Variants in TIMD4 observed in about 807,000 individuals in gnomAD.
The protein encoded by TIMD4 is T-cell immunoglobulin and mucin domain-containing protein 4.
TIMD4 carries 31 observed loss-of-function variants against 41.2 expected under a neutral mutation model. The ratio of observed to expected loss-of-function variants is 0.75; its 90% CI spans 0.57 to 1.01. The LOEUF is 1.01. Among genes scored for constraint, TIMD4 ranks in the 50% least tolerant of loss-of-function variants. TIMD4 has a pLI of 0.00. For missense variants in TIMD4, 479 were observed against 472.5 expected, an observed-to-expected ratio of 1.01 and a Z score of -0.13; for synonymous variants, 204 against 177.1, an observed-to-expected ratio of 1.15 and a Z score of -1.21.
intron 3 of TIMD4, 87 bp downstream of exon 3, chr5:156,951,425 C>A (rs750043494): frequency 2.6e-6 from 4 of 1,525,372 alleles, no homozygotes; most frequent in Non-Finnish European, 3.6e-6. Flanking sequence ...CACACACTCA[C>A]ACACACACTG....
intron 1 of TIMD4, among the ~76,000 whole-genome samples, chr5:156,958,264 A>G (rs1332416844): frequency 6.6e-6 from 1 of 150,568 alleles, no homozygotes; most frequent in East Asian, 1.9e-4. Flanking sequence ...GTGAGGGAGG[A>G]CAGGGCAAGA....
intron 1 of TIMD4, among the ~76,000 whole-genome samples, chr5:156,956,242 C>T (rs980587862): frequency 6.6e-6 from 1 of 151,960 alleles, no homozygotes; most frequent in Non-Finnish European, 1.5e-5. Context: ...TCTTTCTATG[C>T]CTCGCTTATT....
Position 156,939,787 on chromosome 5 carries a change from T to C in TIMD4, c.844+8629A>G, listed in dbSNP as rs142091001. On this transcript the variant is annotated intron_variant, in intron 5 of 8. Coordinates refer to ENST00000274532, the MANE Select transcript of TIMD4 (RefSeq NM_138379.3). ...TGGCTGTTACTCCGTCCCCTCTCTATTGTTGTTGCTGCTATCATTCTAATC... is the reference window on the plus strand; with the variant it reads ...TGGCTGTTACTCCGTCCCCTCTCTACTGTTGTTGCTGCTATCATTCTAATC... Among the ~76,000 whole-genome samples, 90 of 152,340 alleles carry C rather than the reference T, an allele frequency of 5.9e-4. No individual in the cohort carries two copies. The South Asian group carries it at 0.01, about 17-fold the overall frequency.
intron 1 of TIMD4, among the ~76,000 whole-genome samples, chr5:156,959,819 C>G (rs1362478078): frequency 6.6e-6 from 1 of 152,118 alleles, no homozygotes; most frequent in Non-Finnish European, 1.5e-5. Context: ...ACAGGTGGAT[C>G]ACCTGAGGTC....
Position 156,949,010 on chromosome 5 carries a change from A to G in TIMD4, c.761-511T>C, listed in dbSNP as rs961401584. The stretch of plus-strand genomic sequence containing the variant: ...ATGCATGAAGTTATACAACTCTACA[A>G]CAAACCTAGGAATATAAACTGAGGG... On this transcript the variant is annotated intron_variant, in intron 4 of 8. Coordinates refer to ENST00000274532, the MANE Select transcript of TIMD4 (RefSeq NM_138379.3). Among the ~76,000 whole-genome samples the G allele has an allele frequency of 5.9e-5, 9 of 152,204 alleles. No homozygotes were observed. In the East Asian group the frequency reaches 1.2e-3, roughly 20 times the overall value.
At chr5:156,956,751 A>T (rs1032680065) in intron 1 of TIMD4, among the ~76,000 whole-genome samples, 1 of 152,262 alleles carries the variant, frequency 6.6e-6, no homozygotes, top group Non-Finnish European at 1.5e-5. Flanking sequence ...GGCAGGCTGT[A>T]GATCTCAGAT....
At chr5:156,961,900 A>G (rs1753071023) in intron 1 of TIMD4, among the ~76,000 whole-genome samples, 1 of 151,852 alleles carries the variant, frequency 6.6e-6, no homozygotes, top group Non-Finnish European at 1.5e-5. Flanking sequence ...ATAAAAAAAG[A>G]ATGAAACTCA....
chr5:156,922,072 C>T (rs1263991757), intron 7 of TIMD4, 27 bp downstream of exon 7: 3 of 1,580,746 alleles, frequency 1.9e-6, no homozygotes, highest in Admixed American at 1.7e-5. Context: ...TTCTGAAGTG[C>T]TCCATCACCT....
rs951369900 is a variant in TIMD4, at chr5:156,921,950, A to G, written c.1012+149T>C. On this transcript the variant is annotated intron_variant, in intron 7 of 8. Transcript: ENST00000274532. Reference sequence around the variant, plus strand: ...TTAGCAGCTTGGGGAGAATGAACTTACCTGTTACTTCCCTGGCTGGGATGG... The same window carrying G: ...TTAGCAGCTTGGGGAGAATGAACTTGCCTGTTACTTCCCTGGCTGGGATGG... 6.6e-6 allele frequency: 4 copies of G among 608,496 alleles called. No homozygotes were observed. In the African/African-American group the frequency reaches 7.5e-5, roughly 11 times the overall value. 37.7% of individuals were successfully genotyped at this position (608,496 alleles called of 1,614,324 possible). A position where few individuals can be genotyped will look rare whatever the true frequency, so the allele number is the denominator to read the frequency against.
chr5:156,938,328 T>C (rs919112849), intron 5 of TIMD4, among the ~76,000 whole-genome samples: 3 of 152,176 alleles, frequency 2.0e-5, no homozygotes, highest in Non-Finnish European at 4.4e-5. Flanking sequence ...TTCAAAAGAC[T>C]CATCTGAGGT....
intron 1 of TIMD4, among the ~76,000 whole-genome samples, chr5:156,960,405 CT>C (rs1223450556): frequency 0.084 from 11,334 of 135,084 alleles, 503 homozygotes; most frequent in African/African-American, 0.18. Flanking sequence ...TTTCTTCCCC[CT>C]TTTTTTTTTT....
intron 1 of TIMD4, among the ~76,000 whole-genome samples, chr5:156,962,251 A>G (rs1753080022): frequency 6.6e-6 from 1 of 152,208 alleles, no homozygotes; most frequent in South Asian, 2.1e-4. Flanking sequence ...CAAAATAACT[A>G]GAAGAGAACA....
intron 1 of TIMD4, among the ~76,000 whole-genome samples, chr5:156,960,298 G>T (rs1760054961): frequency 6.6e-6 from 1 of 151,578 alleles, no homozygotes; most frequent in Non-Finnish European, 1.5e-5. Context: ...TGATGAAAAG[G>T]CAGATGGTAG....
At chr5:156,933,418 C>A (rs868544147) in intron 5 of TIMD4, among the ~76,000 whole-genome samples, 2 of 151,972 alleles carry the variant, frequency 1.3e-5, no homozygotes, top group East Asian at 3.9e-4. Context: ...TGGTTCACTG[C>A]ACTACAGCTT....
In TIMD4 at chr5:156,926,194, G is replaced by A. The variant is rs537895759; in HGVS notation, c.894+69C>T. 1.9e-4 allele frequency: 291 copies of A among 1,538,238 alleles called. 1 individual carries two copies. In the Admixed American group the frequency reaches 2.5e-3, roughly 13 times the overall value. Reference sequence around the variant, plus strand: ...GCTGGGATTATAGGCATGAGCCACCGTGCCTGGCCACTACTGTGGATTTTT... The same window carrying A: ...GCTGGGATTATAGGCATGAGCCACCATGCCTGGCCACTACTGTGGATTTTT... On this transcript the variant is annotated intron_variant, in intron 6 of 8. Coordinates refer to ENST00000274532, the MANE Select transcript of TIMD4 (RefSeq NM_138379.3).
intron 5 of TIMD4, among the ~76,000 whole-genome samples, chr5:156,929,801 A>G (rs1002847342): frequency 3.9e-5 from 6 of 152,224 alleles, no homozygotes; most frequent in African/African-American, 1.4e-4. Context: ...AAAGGAATCA[A>G]CACACAAAGA....
intron 8 of TIMD4, among the ~76,000 whole-genome samples, chr5:156,920,049 G>A (rs1157989627): frequency 6.6e-6 from 1 of 152,086 alleles, no homozygotes; most frequent in Non-Finnish European, 1.5e-5. Flanking sequence ...TGCTTCCATG[G>A]TCTAACTGGG....
intron 6 of TIMD4, chr5:156,924,154 C>T: frequency 5.0e-6 from 2 of 403,546 alleles, no homozygotes; most frequent in Non-Finnish European, 9.5e-6. Flanking sequence ...TGGGGCTGAC[C>T]AGCCTGAGCC....
At chr5:156,941,132 T>A (rs1031077638) in intron 5 of TIMD4, among the ~76,000 whole-genome samples, 1 of 151,710 alleles carries the variant, frequency 6.6e-6, no homozygotes, top group Non-Finnish European at 1.5e-5. Context: ...TCGTTAAGAG[T>A]CATCACCACT....
Sources: gnomAD v4.1 joint callset for allele counts (sites outside exome capture counted in the v4.1 genomes callset) on GRCh38, gnomAD v4.1.1 for gene constraint, MANE v1.5 for transcripts, NCBI Gene and HGNC (gene_info 2026-07-23, HGNC 2026-07-21) for gene names.